SDK1: variants seen among roughly 807,000 people sequenced by gnomAD.
SDK1 encodes protein sidekick-1.
SDK1 carries 157 observed loss-of-function variants against 245.5 expected under a neutral mutation model. The observed-to-expected ratio is 0.64, with a 90% confidence interval of 0.56 to 0.73. SDK1 has a LOEUF of 0.73. Ranked by LOEUF, SDK1 falls within the 30% of genes least tolerant of loss-of-function variation. The pLI, the probability that SDK1 is intolerant of heterozygous loss-of-function variation, is 0.00. For missense variants in SDK1, 3,583 were observed against 3,002.3 expected, an observed-to-expected ratio of 1.19 and a Z score of -4.52; for synonymous variants, 1,647 against 1,278.5, an observed-to-expected ratio of 1.29 and a Z score of -6.15.
intron 22 of SDK1, among the ~76,000 whole-genome samples, chr7:4,090,566 G>A (rs10229172): frequency 0.027 from 4,073 of 152,200 alleles, 167 homozygotes; most frequent in African/African-American, 0.084. Context: ...CATCCAGCTG[G>A]CTTCTGTATT....
At chr7:3,397,086 C>T (rs1778732779) in intron 1 of SDK1, among the ~76,000 whole-genome samples, 1 of 151,722 alleles carries the variant, frequency 6.6e-6, no homozygotes, top group Non-Finnish European at 1.5e-5. Flanking sequence ...CAGGTTAATC[C>T]TGGCATAATT....
At chr7:3,682,734 TTTAAACAG>T (rs1784145992) in intron 4 of SDK1, among the ~76,000 whole-genome samples, 1 of 151,942 alleles carries the variant, frequency 6.6e-6, no homozygotes, top group South Asian at 2.1e-4. Flanking sequence ...TTTTTTTTTT[TTTAAACAG>T]AGTTTTGCTT....
chr7:3,794,712 C>T (rs769052515), intron 4 of SDK1, among the ~76,000 whole-genome samples: 9 of 152,058 alleles, frequency 5.9e-5, no homozygotes, highest in East Asian at 1.9e-4. Context: ...TCTCAGACCC[C>T]GTAATTGTAA....
intron 5 of SDK1, among the ~76,000 whole-genome samples, chr7:3,841,231 G>A (rs1287847352): frequency 6.6e-6 from 1 of 152,184 alleles, no homozygotes; most frequent in Non-Finnish European, 1.5e-5. Flanking sequence ...TGTTAGTGTT[G>A]AGGGGGGCCG....
At chr7:3,416,331 G>A (rs1030119445) in intron 1 of SDK1, among the ~76,000 whole-genome samples, 2 of 152,092 alleles carry the variant, frequency 1.3e-5, no homozygotes, top group South Asian at 4.2e-4. Context: ...GGAGAACTGT[G>A]CTCCCGTTCT....
chr7:3,436,627 T>C (rs1394178752), intron 1 of SDK1, among the ~76,000 whole-genome samples: 1 of 152,236 alleles, frequency 6.6e-6, no homozygotes, highest in Admixed American at 6.5e-5. Flanking sequence ...AGTACTCTTA[T>C]TAATGTTCTT....
intron 4 of SDK1, among the ~76,000 whole-genome samples, chr7:3,776,840 T>C (rs1780578840): frequency 6.6e-6 from 1 of 152,120 alleles, no homozygotes; most frequent in African/African-American, 2.4e-5. Context: ...GACCTGAGAA[T>C]GTCAGTCAGT....
Position 3,651,309 on chromosome 7 carries a change from A to C in SDK1, c.713+9204A>C, listed in dbSNP as rs565882623. Among the ~76,000 whole-genome samples the C allele has an allele frequency of 3.3e-5, 5 of 151,986 alleles. No individual in the cohort carries two copies. In the East Asian group the frequency reaches 9.7e-4, roughly 29 times the overall value. On this transcript the variant is annotated intron_variant, in intron 4 of 44. Transcript: ENST00000404826. ...ATAATGATATCTTCTTGTGTTTTTAAATTTTCACTTCTCTAATGGCTAATG... is the reference window on the plus strand; with the variant it reads ...ATAATGATATCTTCTTGTGTTTTTACATTTTCACTTCTCTAATGGCTAATG...
At chr7:4,217,392 C>T (rs1159546678) in intron 38 of SDK1, among the ~76,000 whole-genome samples, 2 of 143,536 alleles carry the variant, frequency 1.4e-5, no homozygotes, top group African/African-American at 5.4e-5. Context: ...CCCGGAGCAC[C>T]ACACCACCCG....
chr7:3,778,763 C>T (rs910082186), intron 4 of SDK1, among the ~76,000 whole-genome samples: 17 of 152,156 alleles, frequency 1.1e-4, no homozygotes, highest in African/African-American at 4.1e-4. Flanking sequence ...ATGATGAGTT[C>T]ATAATTATTT....
chr7:4,025,853 A>C (rs1014425591), intron 17 of SDK1, among the ~76,000 whole-genome samples: 1 of 152,304 alleles, frequency 6.6e-6, no homozygotes, highest in Non-Finnish European at 1.5e-5. Context: ...GCCCTGTCAC[A>C]TGTGAGTTAG....
chr7:4,064,928 G>GA (rs954338986), intron 19 of SDK1, among the ~76,000 whole-genome samples: 2 of 152,122 alleles, frequency 1.3e-5, no homozygotes, highest in African/African-American at 4.8e-5. Context: ...GGGTGGTGGG[G>GA]AGAAAGAGAG....
At chr7:4,084,818 A>C (rs1037809458) in intron 22 of SDK1, among the ~76,000 whole-genome samples, 1 of 151,882 alleles carries the variant, frequency 6.6e-6, no homozygotes, top group Admixed American at 6.6e-5. Flanking sequence ...CCCAGGCTGG[A>C]GTGCAATGGC....
chr7:4,095,041 C>G (rs998857306), intron 22 of SDK1, among the ~76,000 whole-genome samples: 1 of 152,228 alleles, frequency 6.6e-6, no homozygotes, highest in South Asian at 2.1e-4. Context: ...GGTGTGACTT[C>G]CTCCAGGCTC....
intron 4 of SDK1, among the ~76,000 whole-genome samples, chr7:3,765,331 C>T (rs1314088178): frequency 1.3e-5 from 2 of 152,112 alleles, no homozygotes; most frequent in African/African-American, 4.8e-5. Flanking sequence ...ATGAAAATAC[C>T]ATCCAGATAG....
chr7:4,098,265 A>G (rs1782293337), intron 22 of SDK1, among the ~76,000 whole-genome samples: 1 of 152,238 alleles, frequency 6.6e-6, no homozygotes, highest in African/African-American at 2.4e-5. Flanking sequence ...GACCAAAGGA[A>G]GTGTTTTACC....
chr7:3,925,467 G>A (rs1380048890), intron 5 of SDK1, among the ~76,000 whole-genome samples: 2 of 152,222 alleles, frequency 1.3e-5, no homozygotes, highest in Non-Finnish European at 2.9e-5. Context: ...CTCATCAGGA[G>A]AGACTGCCTC....
chr7:3,495,067 C>T (rs554613328), intron 1 of SDK1, among the ~76,000 whole-genome samples: 1 of 152,194 alleles, frequency 6.6e-6, no homozygotes, highest in South Asian at 2.1e-4. Flanking sequence ...TGCTGTTACT[C>T]TGGGGTATTC....
At chr7:3,351,676 T>A (rs1442719841) in intron 1 of SDK1, among the ~76,000 whole-genome samples, 2 of 152,104 alleles carry the variant, frequency 1.3e-5, no homozygotes, top group African/African-American at 4.8e-5. Flanking sequence ...GCAAAAGGCA[T>A]TAGAGATGAA....
Sources: allele counts gnomAD v4.1 joint callset (sites outside exome capture counted in the v4.1 genomes callset), GRCh38; gene constraint gnomAD v4.1.1; transcripts MANE v1.5; gene names NCBI Gene and HGNC (gene_info 2026-07-23, HGNC 2026-07-21).